Variants in NRG2 observed in about 807,000 individuals in gnomAD.
NRG2 encodes the protein neuregulin 2.
NRG2 carries 27 observed loss-of-function variants against 73.9 expected under a neutral mutation model. The ratio of observed to expected loss-of-function variants is 0.37; its 90% CI spans 0.27 to 0.50. The LOEUF (loss-of-function observed/expected upper bound fraction) is 0.50. NRG2 is among the 20% of genes least tolerant of loss of function. The pLI is 0.96. For missense variants in NRG2, 1,126 were observed against 1,210.1 expected, an observed-to-expected ratio of 0.93 and a Z score of 1.03; for synonymous variants, 532 against 541.0, an observed-to-expected ratio of 0.98 and a Z score of 0.23.
chr5:140,014,976 G>C (rs537920214), intron 1 of NRG2, among the ~76,000 whole-genome samples: 1 of 152,272 alleles, frequency 6.6e-6, no homozygotes, highest in East Asian at 1.9e-4. Flanking sequence ...TGCCAGGCAT[G>C]CTTCCACCTT....
chr5:139,880,262 C>T (rs1763440338), intron 3 of NRG2, among the ~76,000 whole-genome samples: 1 of 152,138 alleles, frequency 6.6e-6, no homozygotes, highest in African/African-American at 2.4e-5. Context: ...GGAAGGCAGC[C>T]TCTACCCTGA....
intron 1 of NRG2, among the ~76,000 whole-genome samples, chr5:139,899,705 C>T (rs1764755638): frequency 6.6e-6 from 1 of 152,200 alleles, no homozygotes; most frequent in African/African-American, 2.4e-5. Context: ...CTCAACTCCA[C>T]CCAAGAGCCC....
intron 1 of NRG2, among the ~76,000 whole-genome samples, chr5:140,009,372 A>G (rs1398368912): frequency 6.6e-6 from 1 of 152,182 alleles, no homozygotes; most frequent in South Asian, 2.1e-4. Context: ...TTTATACTCT[A>G]TGTTACCCAT....
At chr5:139,967,974 A>AAAATAAATAAAT (rs58017535) in intron 1 of NRG2, among the ~76,000 whole-genome samples, 218 of 144,502 alleles carry the variant, frequency 1.5e-3, no homozygotes, top group Middle Eastern at 7.2e-3. Flanking sequence ...ATAAAACATA[A>AAAATAAATAAAT]AAATAAATAA....
chr5:139,892,734 C>T (rs1303221118), intron 1 of NRG2, among the ~76,000 whole-genome samples: 1 of 152,154 alleles, frequency 6.6e-6, no homozygotes, highest in Non-Finnish European at 1.5e-5. Context: ...TGGGATCTGT[C>T]AGGGAAAGAA....
In NRG2 at chr5:139,904,315, C is replaced by T; in HGVS notation, c.701-16804G>A. The T allele has an allele frequency of 1.3e-6, 2 of 1,591,524 alleles. No homozygotes were observed. The highest frequency in any genetic ancestry group is 1.1e-5 in the South Asian group (1 of 89,814). ...GCGCGGAGGTGCCCTACCTTTCTCC[C>T]CGGGATCGGGCTCCCTCTCCCGCTT... On this transcript the variant is annotated intron_variant, in intron 1 of 9. Transcript: ENST00000361474. This position sits in a 1 kb window ranked among gnomAD's most constrained non-coding sequence, Gnocchi z 6.0.
chr5:139,883,551 G>A lies in NRG2; in HGVS notation c.873-2577C>T, dbSNP rs190953860. Among the ~76,000 whole-genome samples the A allele has an allele frequency of 3.1e-3, 467 of 152,238 alleles. 2 individuals are homozygous for A. Among genetic ancestry groups the A allele is most frequent in the Non-Finnish European group, 3.6e-3 (245 of 67,996 alleles). ...CAACAGAGATGCCCAGACAGAGTGC[G>A]GCCCGGGCAGGGAGAGTGCTAGGAG... On this transcript the variant is annotated intron_variant, in intron 2 of 9. Transcript: ENST00000361474.
rs572538457 is a variant in NRG2, at chr5:139,943,169, C to T, written c.701-55658G>A. 1.8e-4 allele frequency among the ~76,000 whole-genome samples: 27 copies of T among 151,926 alleles called. No individual in the cohort carries two copies. In the East Asian group the frequency reaches 2.3e-3, roughly 13 times the overall value. ...CTTTTTATTTTTATTTCTTTTGAGACGGAGTCTTGCTCTGTCACCCAGGCT... is the reference window on the plus strand; with the variant it reads ...CTTTTTATTTTTATTTCTTTTGAGATGGAGTCTTGCTCTGTCACCCAGGCT... On this transcript the variant is annotated intron_variant, in intron 1 of 9. Transcript: ENST00000361474.
intron 1 of NRG2, among the ~76,000 whole-genome samples, chr5:140,029,793 C>T (rs996423076): frequency 1.3e-5 from 2 of 151,924 alleles, no homozygotes; most frequent in African/African-American, 4.8e-5. Flanking sequence ...CAAGGACAAC[C>T]CCTAAGGGAC....
intron 5 of NRG2, among the ~76,000 whole-genome samples, chr5:139,860,328 C>G (rs957916717): frequency 1.3e-5 from 2 of 152,138 alleles, no homozygotes; most frequent in African/African-American, 4.8e-5. Context: ...AACTCTCAAG[C>G]CTTCCTGCAG....
intron 1 of NRG2, among the ~76,000 whole-genome samples, chr5:139,905,688 G>A (rs553005152): frequency 1.3e-5 from 2 of 152,182 alleles, no homozygotes; most frequent in South Asian, 4.2e-4. Flanking sequence ...TCTGGTGGGG[G>A]GGGGGCAGGT....
chr5:139,952,413 G>T (rs1034798925), intron 1 of NRG2, among the ~76,000 whole-genome samples: 4 of 152,206 alleles, frequency 2.6e-5, no homozygotes, highest in African/African-American at 9.7e-5. Flanking sequence ...GAAACAAGGT[G>T]CAGAGGGCGG....
chr5:139,966,286 C>T (rs971756844), intron 1 of NRG2, among the ~76,000 whole-genome samples: 2 of 152,204 alleles, frequency 1.3e-5, no homozygotes, highest in African/African-American at 2.4e-5. Flanking sequence ...TGCATTCATA[C>T]CACATTGTAC....
intron 1 of NRG2, among the ~76,000 whole-genome samples, chr5:139,918,933 C>A (rs576716719): frequency 5.4e-4 from 82 of 152,272 alleles, no homozygotes; most frequent in African/African-American, 1.8e-3. Context: ...GGGAGCAAAA[C>A]AGTCGATGGG....
At chr5:139,914,338 C>A (rs116070737) in intron 1 of NRG2, among the ~76,000 whole-genome samples, 6 of 152,174 alleles carry the variant, frequency 3.9e-5, no homozygotes, top group Admixed American at 2.0e-4. Flanking sequence ...TGCTCCAAAC[C>A]CCACACCTGT....
chr5:140,029,892 C>T (rs565533473), intron 1 of NRG2, among the ~76,000 whole-genome samples: 2 of 151,836 alleles, frequency 1.3e-5, no homozygotes, highest in Non-Finnish European at 2.9e-5. Flanking sequence ...GTCAGAAAAC[C>T]AAACACTATG....
chr5:139,886,850 C>G lies in NRG2; in HGVS notation c.872+490G>C, dbSNP rs560515738. On this transcript the variant is annotated intron_variant, in intron 2 of 9. Transcript: ENST00000361474. ...GTCTGAGGAACAGAGTTCTCCAACA[C>G]CAATCAAAGTGTTGCTCCCTTTTCC... is the stretch of plus-strand genomic sequence containing the variant. Among the ~76,000 whole-genome samples the G allele has an allele frequency of 2.6e-5, 4 of 152,216 alleles. No individual in the cohort carries two copies. The South Asian group carries it at 8.3e-4, about 32-fold the overall frequency.
chr5:140,031,398 G>GA (rs2126691589), intron 1 of NRG2, among the ~76,000 whole-genome samples: 1 of 152,286 alleles, frequency 6.6e-6, no homozygotes, highest in East Asian at 1.9e-4. Context: ...TCCTTTAAAA[G>GA]AAACTCTTCA....
intron 1 of NRG2, among the ~76,000 whole-genome samples, chr5:140,036,259 A>G (rs1761498863): frequency 6.6e-6 from 1 of 152,258 alleles, no homozygotes; most frequent in African/African-American, 2.4e-5. Flanking sequence ...TTTCATAATT[A>G]TCAAAAACAT....
Sources: gnomAD v4.1 joint callset for allele counts (sites outside exome capture counted in the v4.1 genomes callset) on GRCh38, gnomAD v4.1.1 for gene constraint, Gnocchi (gnomAD v3.1) non-coding constraint, MANE v1.5 for transcripts, NCBI Gene and HGNC (gene_info 2026-07-23, HGNC 2026-07-21) for gene names.